The following ZNF254 variants were observed in gnomAD, a reference collection of about 807,000 sequenced individuals.
The protein encoded by ZNF254 is zinc finger protein 254.
Under a neutral mutation model 12.4 loss-of-function variants are expected in ZNF254, and 10 were observed. The ratio of observed to expected loss-of-function variants is 0.80; its 90% CI spans 0.50 to 1.36. The LOEUF (loss-of-function observed/expected upper bound fraction) is 1.36. Among genes scored for constraint, ZNF254 ranks in the 40% most tolerant of loss-of-function variants. The probability of loss-of-function intolerance (pLI) is 0.00; values close to 1 mark genes in which losing one functional copy is unlikely to be tolerated. For missense variants in ZNF254, 996 were observed against 763.9 expected, an observed-to-expected ratio of 1.30 and a Z score of -3.58; for synonymous variants, 305 against 253.4, an observed-to-expected ratio of 1.20 and a Z score of -1.93.
At chr19:24,112,634 G>T (rs1973760142) in intron 3 of ZNF254, among the ~76,000 whole-genome samples, 1 of 151,488 alleles carries the variant, frequency 6.6e-6, no homozygotes, top group African/African-American at 2.4e-5. Flanking sequence ...ATTGAGCAGT[G>T]GTTTGTAGTT....
chr19:24,060,692 T>C (rs1971033695), intron 2 of ZNF254, among the ~76,000 whole-genome samples: 1 of 152,234 alleles, frequency 6.6e-6, no homozygotes, highest in Non-Finnish European at 1.5e-5. Context: ...CCAGCCCACA[T>C]GGCTTATTGT....
chr19:24,052,607 C>G (rs1184487737), intron 2 of ZNF254, among the ~76,000 whole-genome samples: 2 of 152,090 alleles, frequency 1.3e-5, no homozygotes, highest in African/African-American at 4.8e-5. Context: ...GGCCTAGCAT[C>G]CAGGTGATGT....
intron 1 of ZNF254, among the ~76,000 whole-genome samples, chr19:24,096,049 T>C (rs77192835): frequency 6.6e-6 from 1 of 150,732 alleles, no homozygotes; most frequent in African/African-American, 2.4e-5. Flanking sequence ...TGATGTGTTG[T>C]TTTTTAGTTC....
Position 24,127,084 on chromosome 19 carries a change from T to C in ZNF254, c.1084T>C (p.Ser362Pro). 1 of 1,612,768 alleles carries C rather than the reference T, an allele frequency of 6.2e-7. No homozygotes were observed. Among genetic ancestry groups the C allele is most frequent in the East Asian group, 2.2e-5 (1 of 44,722 alleles). Residue 362 changes from serine (S) to proline (P), a missense_variant, in exon 4 of 4, where the codon TCC (serine) becomes CCC (proline). Coordinates refer to ENST00000357002, the MANE Select transcript of ZNF254 (RefSeq NM_203282.4). Reference sequence around the variant, plus strand: ...AGAATGTGGCAAAGCTTTTAGCCAGTCCTCAACCCTTACTACACATAAGAT... The same window carrying C: ...AGAATGTGGCAAAGCTTTTAGCCAGCCCTCAACCCTTACTACACATAAGAT... ...CEECGKAFSQSSTLTTHKIIH... is the reference protein window; with the variant it reads ...CEECGKAFSQPSTLTTHKIIH...
At chr19:24,057,030 C>T (rs1970883350) in intron 2 of ZNF254, among the ~76,000 whole-genome samples, 2 of 152,192 alleles carry the variant, frequency 1.3e-5, no homozygotes, top group Non-Finnish European at 2.9e-5. Flanking sequence ...AGGAGACATA[C>T]TATCTCTCAT....
Position 24,128,675 on chromosome 19 carries a change from C to T in ZNF254, c.*695C>T, listed in dbSNP as rs943849880. 6.6e-6 allele frequency: 1 copy of T among 151,932 alleles called. No individual in the cohort carries two copies. Among genetic ancestry groups the T allele is most frequent in the African/African-American group, 2.4e-5 (1 of 41,390 alleles). The allele number at this position is 151,932 out of a possible 1,614,324, so 9.4% of individuals were successfully genotyped here. On this transcript the variant is annotated 3_prime_UTR_variant, in exon 4 of 4. Coordinates refer to ENST00000357002, the MANE Select transcript of ZNF254 (RefSeq NM_203282.4). ...ATACTAAAATATATTTTTGCAGATA[C>T]ATTAAATATGAAAGATATTCAATCC...
chr19:24,054,200 CAT>C (rs1970754543), intron 2 of ZNF254, among the ~76,000 whole-genome samples: 1 of 152,048 alleles, frequency 6.6e-6, no homozygotes, highest in Non-Finnish European at 1.5e-5. Flanking sequence ...AGAATTGTAA[CAT>C]ATCCCTGGCT....
At chr19:24,074,913 G>T (rs1971604920) in intron 2 of ZNF254, among the ~76,000 whole-genome samples, 1 of 152,044 alleles carries the variant, frequency 6.6e-6, no homozygotes, top group East Asian at 1.9e-4. Context: ...TTTCCCAGAG[G>T]GTATTGTGAC....
chr19:24,093,173 T>C (rs1332503374), intron 1 of ZNF254, among the ~76,000 whole-genome samples: 1 of 152,166 alleles, frequency 6.6e-6, no homozygotes, highest in Non-Finnish European at 1.5e-5. Flanking sequence ...TTAAGATTTT[T>C]ATGAATTCTG....
chr19:24,044,237 TA>T (rs369998937), intron 1 of ZNF254, among the ~76,000 whole-genome samples: 20,551 of 133,636 alleles, frequency 0.15, 1,400 homozygotes, highest in Middle Eastern at 0.22. Flanking sequence ...AGACTCCGTT[TA>T]AAAAAAAAAA....
chr19:24,061,190 G>T (rs972268189), intron 2 of ZNF254, among the ~76,000 whole-genome samples: 4 of 152,170 alleles, frequency 2.6e-5, no homozygotes, highest in Non-Finnish European at 5.9e-5. Flanking sequence ...CTCTCACATG[G>T]ACCGTGAGCA....
At chr19:24,067,950 G>T (rs923569532) in intron 2 of ZNF254, among the ~76,000 whole-genome samples, 5 of 152,186 alleles carry the variant, frequency 3.3e-5, no homozygotes, top group Admixed American at 1.3e-4. Flanking sequence ...TGCCACAAGG[G>T]AATTGTGTTG....
chr19:24,085,167 C>T (rs948132251), upstream of ZNF254, among the ~76,000 whole-genome samples: 2 of 146,500 alleles, frequency 1.4e-5, no homozygotes, highest in African/African-American at 5.0e-5. Context: ...CTCCTGACCT[C>T]GTGATCCACC....
At chr19:24,069,782 C>T (rs1971417393) in intron 2 of ZNF254, among the ~76,000 whole-genome samples, 1 of 151,754 alleles carries the variant, frequency 6.6e-6, no homozygotes, top group African/African-American at 2.4e-5. Context: ...AAAACCCCAT[C>T]TCTACTAAAA....
chr19:24,115,716 G>C (rs543522440), intron 3 of ZNF254, among the ~76,000 whole-genome samples: 19 of 152,154 alleles, frequency 1.2e-4, no homozygotes, highest in Admixed American at 4.6e-4. Flanking sequence ...ATATTGTTAT[G>C]TGTGAATTTG....
chr19:24,076,151 A>G lies in ZNF254; in HGVS notation c.-93-29789A>G, dbSNP rs545593956. On this transcript the variant is annotated intron_variant, in intron 2 of 4. Coordinates refer to the ZNF254 transcript ENST00000613065. ...CATACGTCCTCAGTTTATGAAGATG[A>G]CAGGATTAAGAGATTAAAGACAGGC... Among the ~76,000 whole-genome samples, 8 of 152,368 alleles carry G rather than the reference A, an allele frequency of 5.3e-5. 1 individual carries two copies. The South Asian group carries it at 1.4e-3, about 28-fold the overall frequency.
chr19:24,072,109 G>C (rs1971502078), intron 2 of ZNF254, among the ~76,000 whole-genome samples: 1 of 151,818 alleles, frequency 6.6e-6, no homozygotes, highest in Non-Finnish European at 1.5e-5. Flanking sequence ...ATAAAGGGGG[G>C]ATTGTGACAT....
At chr19:24,109,501 C>T (rs144360693) in intron 3 of ZNF254, among the ~76,000 whole-genome samples, 40 of 152,032 alleles carry the variant, frequency 2.6e-4, no homozygotes, top group African/African-American at 8.2e-4. Flanking sequence ...CTATTGATTT[C>T]GTGCATTATA....
intron 1 of ZNF254, among the ~76,000 whole-genome samples, chr19:24,041,810 T>A (rs911578082): frequency 1.4e-4 from 22 of 152,228 alleles, no homozygotes; most frequent in African/African-American, 5.1e-4. Flanking sequence ...AGTCTTTATA[T>A]CTAGCTCAGG....
Sources: gnomAD v4.1 joint callset for allele counts (sites outside exome capture counted in the v4.1 genomes callset) on GRCh38, gnomAD v4.1.1 for gene constraint, MANE v1.5 for transcripts, NCBI Gene and HGNC (gene_info 2026-07-23, HGNC 2026-07-21) for gene names.